SEC24B: variants seen among roughly 807,000 people sequenced by gnomAD.
SEC24B encodes the protein protein transport protein Sec24B.
Under a neutral mutation model 142.8 loss-of-function variants are expected in SEC24B, and 45 were observed. The observed-to-expected ratio is 0.32, with a 90% CI of 0.25 to 0.40. The LOEUF (loss-of-function observed/expected upper bound fraction) is 0.40. Ranked by LOEUF, SEC24B falls within the 10% of genes least tolerant of loss-of-function variation. The pLI is 1.00. For missense variants in SEC24B, 1,409 were observed against 1,526.8 expected (o/e 0.92, Z 1.29); for synonymous variants, 574 against 568.2 (o/e 1.01, Z -0.15).
chr4:109,477,296 C>G (rs1733278388), intron 3 of SEC24B, among the ~76,000 whole-genome samples: 1 of 151,848 alleles, frequency 6.6e-6, no homozygotes, highest in Admixed American at 6.6e-5. Context: ...GCCAATATAG[C>G]TTACCATACT....
intron 1 of SEC24B, among the ~76,000 whole-genome samples, chr4:109,454,753 A>G (rs1473556419): frequency 2.0e-5 from 3 of 152,142 alleles, no homozygotes; most frequent in Non-Finnish European, 4.4e-5. Context: ...CACAAAACCT[A>G]AAAATATTAT....
At position 109,463,341 on chromosome 4, in the gene SEC24B, G is replaced by T; in HGVS notation, c.574G>T (p.Ala192Ser). The change falls in exon 2 of 24, where the codon GCG (alanine) becomes TCG (serine). Residue 192 changes from alanine (A) to serine (S), a missense_variant. By Grantham distance (99) the Ala-to-Ser change is moderately conservative. Around this residue, in one of 2 missense-constraint regions of SEC24B, gnomAD observed 709 missense variants for 673.5 expected, o/e 1.05. Coordinates refer to ENST00000265175, the MANE Select transcript of SEC24B (RefSeq NM_006323.5). ...HYAMSTVSNA[A>S]YPSVSYPSLP... The stretch of plus-strand genomic sequence containing the variant: ...TGCTATGTCAACTGTTTCTAATGCC[G>T]CGTATCCTAGTGTTTCATATCCCTC... 1.2e-6 allele frequency: 2 copies of T among 1,614,098 alleles called. No homozygotes were observed. Among genetic ancestry groups the T allele is most frequent in the Non-Finnish European group, 1.7e-6 (2 of 1,180,026 alleles).
intron 1 of SEC24B, among the ~76,000 whole-genome samples, chr4:109,436,112 G>T (rs1235329555): frequency 1.3e-5 from 2 of 152,184 alleles, no homozygotes; most frequent in Admixed American, 1.3e-4. Flanking sequence ...ATGGTAAAGT[G>T]TAAGAACTAG....
chr4:109,498,529 TA>T (rs1243373351), intron 6 of SEC24B, among the ~76,000 whole-genome samples: 12 of 152,118 alleles, frequency 7.9e-5, no homozygotes, highest in Non-Finnish European at 1.5e-4. Flanking sequence ...CATGCCCAGC[TA>T]ATTTTTTGTA....
At chr4:109,475,828 G>A (rs1353782094) in intron 3 of SEC24B, among the ~76,000 whole-genome samples, 2 of 151,794 alleles carry the variant, frequency 1.3e-5, no homozygotes, top group Non-Finnish European at 1.5e-5. Context: ...TAAAATATAT[G>A]CTTACACTAG....
At chr4:109,479,582 G>A (rs930225104) in intron 3 of SEC24B, among the ~76,000 whole-genome samples, 6 of 151,884 alleles carry the variant, frequency 4.0e-5, no homozygotes, top group African/African-American at 2.4e-5. Context: ...AGAGCAGGGC[G>A]CCATGCCTGG....
chr4:109,528,052 A>G (rs1319938843), intron 18 of SEC24B, among the ~76,000 whole-genome samples: 1 of 152,162 alleles, frequency 6.6e-6, no homozygotes, highest in Non-Finnish European at 1.5e-5. Context: ...TACTTAAACA[A>G]ACATGGATGC....
In SEC24B at chr4:109,481,011, G is replaced by A. The variant is rs562078079; in HGVS notation, c.1061-666G>A. On this transcript the variant is annotated intron_variant, in intron 3 of 23. Coordinates refer to ENST00000265175, the MANE Select transcript of SEC24B (RefSeq NM_006323.5). Reference sequence around the variant, plus strand: ...TTATTCACCTGTTTCGGACTCACATGTAGGCAATAGGATGACACTGACATG... The same window carrying A: ...TTATTCACCTGTTTCGGACTCACATATAGGCAATAGGATGACACTGACATG... Among the ~76,000 whole-genome samples, 5 of 152,222 alleles carry A rather than the reference G, an allele frequency of 3.3e-5. No individual in the cohort carries two copies. In the South Asian group the frequency reaches 6.2e-4, roughly 19 times the overall value.
At chr4:109,513,494 G>A (rs1487339982) in intron 9 of SEC24B, among the ~76,000 whole-genome samples, 3 of 152,020 alleles carry the variant, frequency 2.0e-5, no homozygotes, top group African/African-American at 7.2e-5. Flanking sequence ...ATGTTGGTCA[G>A]GCTGTTCTCA....
chr4:109,449,389 A>C (rs1317439625), intron 1 of SEC24B: 2 of 377,012 alleles, frequency 5.3e-6, no homozygotes, highest in Non-Finnish European at 1.1e-5. Context: ...ATGCCTGGCT[A>C]ATTTTTCTTT....
At position 109,491,760 on chromosome 4, in the gene SEC24B, CCT is replaced by C. The variant is rs532390255; in HGVS notation, c.1246+356_1246+357del. On this transcript the variant is annotated intron_variant, in intron 5 of 23. Coordinates refer to ENST00000265175, the MANE Select transcript of SEC24B (RefSeq NM_006323.5). ...TTGAATTTGAATTCTTTTCAACCAGCCTCTGAGTATAGTCTTTGACTCTTTGC... is the reference window on the plus strand; with the variant it reads ...TTGAATTTGAATTCTTTTCAACCAGCCTGAGTATAGTCTTTGACTCTTTGC... Among the ~76,000 whole-genome samples the C allele has an allele frequency of 4.6e-3, 706 of 152,152 alleles. 1 individual carries two copies. Among genetic ancestry groups the C allele is most frequent in the Admixed American group, 0.012 (189 of 15,262 alleles).
At chr4:109,530,909 A>G (rs970160600) in intron 19 of SEC24B, among the ~76,000 whole-genome samples, 9 of 150,894 alleles carry the variant, frequency 6.0e-5, no homozygotes, top group East Asian at 1.9e-4. Context: ...AAAAAAAAAA[A>G]AAAAAAAAAA....
intron 1 of SEC24B, among the ~76,000 whole-genome samples, chr4:109,446,384 C>T (rs1729463980): frequency 6.6e-6 from 1 of 152,208 alleles, no homozygotes; most frequent in African/African-American, 2.4e-5. Context: ...GGCAAGGAAA[C>T]GGATTGTCTC....
chr4:109,512,156 TGG>T, intron 9 of SEC24B, 73 bp downstream of exon 9: 1 of 1,356,352 alleles, frequency 7.4e-7, no homozygotes, highest in Non-Finnish European at 1.0e-6. Flanking sequence ...TGTCATCTCC[TGG>T]TTTCTCTCTT....
intron 17 of SEC24B, among the ~76,000 whole-genome samples, chr4:109,526,602 TG>T (rs1361596854): frequency 6.6e-6 from 1 of 152,206 alleles, no homozygotes; most frequent in Non-Finnish European, 1.5e-5. Flanking sequence ...TTTTAATTTA[TG>T]GAAGACTTGT....
intron 6 of SEC24B, among the ~76,000 whole-genome samples, chr4:109,495,117 T>G (rs1477357650): frequency 6.6e-6 from 1 of 152,236 alleles, no homozygotes; most frequent in Non-Finnish European, 1.5e-5. Context: ...TTCTTCATGA[T>G]ATCTTTATTT....
At position 109,511,939 on chromosome 4, in the gene SEC24B, C is replaced by T. The variant is rs759098825; in HGVS notation, c.1777-18C>T. ...GGGGTGCCTTTTTCTGCTACAGCTT[C>T]TTTATTTTATTTCCTAGCAATTACC... is the stretch of plus-strand genomic sequence containing the variant. On this transcript the variant is annotated intron_variant, in intron 8 of 23. Coordinates refer to ENST00000265175, the MANE Select transcript of SEC24B (RefSeq NM_006323.5). 2 of 1,609,422 alleles carry T rather than the reference C, an allele frequency of 1.2e-6. No homozygotes were observed. The highest frequency in any genetic ancestry group is 3.4e-5 in the Admixed American group (2 of 58,732).
At chr4:109,538,678 ATAG>A (rs1426629543) in intron 23 of SEC24B, 82 bp downstream of exon 23, 22 of 775,804 alleles carry the variant, frequency 2.8e-5, no homozygotes, top group Non-Finnish European at 4.9e-5. Context: ...CAAACTTTAA[ATAG>A]TAGCAAAATA....
At chr4:109,441,271 G>A (rs1452226012) in intron 1 of SEC24B, among the ~76,000 whole-genome samples, 1 of 152,128 alleles carries the variant, frequency 6.6e-6, no homozygotes, top group African/African-American at 2.4e-5. Context: ...CCTTACCAAC[G>A]ATTTGAATTC....
Sources: allele counts gnomAD v4.1 joint callset (sites outside exome capture counted in the v4.1 genomes callset), GRCh38; gene constraint gnomAD v4.1.1; regional missense constraint gnomAD v4.1.1; transcripts MANE v1.5; gene names NCBI Gene and HGNC (gene_info 2026-07-23, HGNC 2026-07-21).